SPATC1: variants seen among roughly 807,000 people sequenced by gnomAD.
SPATC1 encodes spermatogenesis and centriole associated 1, also known as speriolin.
In SPATC1, 35 loss-of-function variants were observed where a neutral mutation model predicts 36.5. The observed-to-expected ratio is 0.96, with a 90% CI of 0.73 to 1.27. SPATC1 has a LOEUF of 1.27. Among genes scored for constraint, SPATC1 ranks in the 50% most tolerant of loss-of-function variants. The pLI is 0.00. For missense variants in SPATC1, 779 were observed against 796.0 expected (o/e 0.98, Z 0.26); for synonymous variants, 361 against 353.6 (o/e 1.02, Z -0.24).
At chr8:144,015,572 T>C (rs1374060919) in intron 1 of SPATC1, among the ~76,000 whole-genome samples, 2 of 147,072 alleles carry the variant, frequency 1.4e-5, no homozygotes, top group East Asian at 4.1e-4. Context: ...TGAAACCCCA[T>C]CTCTACTACA....
upstream of SPATC1, among the ~76,000 whole-genome samples, chr8:144,011,011 G>T (rs1834277240): frequency 6.6e-6 from 1 of 151,918 alleles, no homozygotes; most frequent in African/African-American, 2.4e-5. The surrounding 1 kb of genome is among the most constrained non-coding windows in gnomAD (Gnocchi z 4.5). Flanking sequence ...TCAACATCTT[G>T]TAGCTATTAA....
intron 1 of SPATC1, among the ~76,000 whole-genome samples, chr8:144,029,949 T>C (rs1834761228): frequency 1.3e-5 from 2 of 152,364 alleles, no homozygotes; most frequent in African/African-American, 2.4e-5. Flanking sequence ...ATTCTGTCCA[T>C]TTCTGCTTTA....
intron 1 of SPATC1, among the ~76,000 whole-genome samples, chr8:144,014,522 A>G (rs1291600479): frequency 6.6e-6 from 1 of 152,156 alleles, no homozygotes; most frequent in Non-Finnish European, 1.5e-5. Flanking sequence ...TTCCTGTTTA[A>G]GAAGCTAGAC....
rs1834460071 is a variant in SPATC1, at chr8:144,019,458, T to A, written c.211+6732T>A. Among the ~76,000 whole-genome samples, 3 of 152,290 alleles carry A rather than the reference T, an allele frequency of 2.0e-5. No homozygotes were observed. In the South Asian group the frequency reaches 6.2e-4, roughly 32 times the overall value. On this transcript the variant is annotated intron_variant, in intron 1 of 4. Transcript: ENST00000377470. The stretch of plus-strand genomic sequence containing the variant: ...GAAGAGGCAGGAAATCAGAAAATGT[T>A]GGCCGTTGGCCGAGTTAACTTCACC...
At chr8:144,019,903 C>T (rs1834470525) in intron 1 of SPATC1, among the ~76,000 whole-genome samples, 11 of 151,254 alleles carry the variant, frequency 7.3e-5, no homozygotes, top group Non-Finnish European at 3.0e-5. Flanking sequence ...TCGTCCTGCT[C>T]TCCCACTGCC....
chr8:144,040,852 C>A lies in SPATC1; in HGVS notation c.1051C>A (p.Pro351Thr). 1.3e-6 allele frequency: 2 copies of A among 1,584,640 alleles called. No individual in the cohort carries two copies. The highest frequency in any genetic ancestry group is 2.3e-5 in the East Asian group (1 of 44,318). The change falls in exon 3 of 5, where the codon CCC becomes ACC. Residue 351 changes from proline to threonine, a missense_variant. By Grantham distance (38) the Pro-to-Thr change is conservative (BLOSUM62 -1). Coordinates refer to ENST00000377470, the MANE Select transcript of SPATC1 (RefSeq NM_198572.3). ...LAPQVATSYT[P>T]SSTTHIAQGA... ...CCCCCAGGTTGCCACCAGCTACACACCCTCAAGCACCACCCACATCGCCCA... is the reference window on the plus strand; with the variant it reads ...CCCCCAGGTTGCCACCAGCTACACAACCTCAAGCACCACCCACATCGCCCA...
At chr8:144,037,321 C>A (rs1834927752) in intron 1 of SPATC1, among the ~76,000 whole-genome samples, 1 of 151,508 alleles carries the variant, frequency 6.6e-6, no homozygotes, top group South Asian at 2.1e-4. Flanking sequence ...GAGGTGTACC[C>A]AACAACTCAT....
chr8:144,036,623 C>T (rs1834903817), intron 1 of SPATC1, among the ~76,000 whole-genome samples: 1 of 152,130 alleles, frequency 6.6e-6, no homozygotes, highest in East Asian at 1.9e-4. Flanking sequence ...CACACCCGGC[C>T]CAGAACTTAG....
intron 1 of SPATC1, among the ~76,000 whole-genome samples, chr8:144,035,931 C>T (rs1834889490): frequency 6.6e-6 from 1 of 152,172 alleles, no homozygotes; most frequent in Non-Finnish European, 1.5e-5. Flanking sequence ...CCAAGCAGGA[C>T]AGACAGCCGC....
rs1554756578 is a variant in SPATC1 at position 144,045,064 on chromosome 8, T to C, written c.1447-1563T>C. The stretch of plus-strand genomic sequence containing the variant: ...CAGTGCTCACTGGGGCCGCTGCCTG[T>C]AACCCCCAGTACACTCCTGCAGGAG... On this transcript the variant is annotated intron_variant, in intron 4 of 4. Coordinates refer to ENST00000377470, the MANE Select transcript of SPATC1 (RefSeq NM_198572.3). This position sits in a 1 kb window ranked among gnomAD's most constrained non-coding sequence, Gnocchi z 5.2. 1.3e-5 allele frequency among the ~76,000 whole-genome samples: 2 copies of C among 152,226 alleles called. No individual in the cohort carries two copies. Among genetic ancestry groups the C allele is most frequent in the Non-Finnish European group, 2.9e-5 (2 of 68,028 alleles).
Position 144,040,416 on chromosome 8 carries a change from C to G in SPATC1, c.719C>G (p.Thr240Ser). ...RLAEPLRGGP[T>S]GPQSPACVVP... The stretch of plus-strand genomic sequence containing the variant: ...GCTGAGCCACTCCGCGGAGGCCCCA[C>G]TGGGCCCCAGTCCCCAGCTTGCGTG... Residue 240 changes from threonine (T) to serine (S), a missense_variant, in exon 2 of 5, where the codon ACT (threonine) becomes AGT (serine). Physicochemically the swap from Thr to Ser is moderately conservative, Grantham distance 58. Transcript: ENST00000377470. The G allele has an allele frequency of 6.2e-7, 1 of 1,609,998 alleles. No homozygotes were observed.
upstream of SPATC1, among the ~76,000 whole-genome samples, chr8:144,011,386 G>T (rs566950913): frequency 6.6e-6 from 1 of 152,204 alleles, no homozygotes; most frequent in East Asian, 1.9e-4. The surrounding 1 kb of genome is among the most constrained non-coding windows in gnomAD (Gnocchi z 4.5). Context: ...CCCATTGTGA[G>T]GTCCAGGCAG....
chr8:144,042,311 A>ATTTTTTTTTTTTTTTTTTTT (rs1184651892), intron 4 of SPATC1, among the ~76,000 whole-genome samples: 1 of 23,882 alleles, frequency 4.2e-5, no homozygotes, highest in Non-Finnish European at 6.3e-5. Flanking sequence ...ATATATATAT[A>ATTTTTTTTTTTTTTTTTTTT]TTTTTTTTTT....
At chr8:144,039,443 C>A (rs532523595) in intron 1 of SPATC1, among the ~76,000 whole-genome samples, 83 of 152,350 alleles carry the variant, frequency 5.4e-4, no homozygotes, top group African/African-American at 1.9e-3. Flanking sequence ...GGAGCCCCCA[C>A]CACAAAGACA....
chr8:144,020,248 C>A (rs1166381726), intron 1 of SPATC1, among the ~76,000 whole-genome samples: 2 of 151,436 alleles, frequency 1.3e-5, no homozygotes, highest in Non-Finnish European at 2.9e-5. Context: ...GGACACTCTT[C>A]CCTGAAGACC....
At position 144,046,624 on chromosome 8, in the gene SPATC1, C is replaced by T; in HGVS notation, c.1447-3C>T. 1 of 1,604,936 alleles carries T rather than the reference C, an allele frequency of 6.2e-7. No individual in the cohort carries two copies. Among genetic ancestry groups the T allele is most frequent in the Non-Finnish European group, 8.5e-7 (1 of 1,177,108 alleles). ...GGGTCCCTGATGGCCGCTGTCCCCACAGGCTTCCCTGAACCCCAGTGACCA... is the reference window on the plus strand; with the variant it reads ...GGGTCCCTGATGGCCGCTGTCCCCATAGGCTTCCCTGAACCCCAGTGACCA... On this transcript the variant is annotated splice_polypyrimidine_tract_variant and splice_region_variant and intron_variant, in intron 4 of 4. Coordinates refer to ENST00000377470, the MANE Select transcript of SPATC1 (RefSeq NM_198572.3). The surrounding 1 kb of genome is among the most constrained non-coding windows in gnomAD (Gnocchi z 6.6).
At chr8:144,025,795 C>T (rs1445202119) in intron 1 of SPATC1, among the ~76,000 whole-genome samples, 1 of 152,166 alleles carries the variant, frequency 6.6e-6, no homozygotes, top group African/African-American at 2.4e-5. Flanking sequence ...ATATGCTCCT[C>T]ATGGTCTGTG....
At chr8:144,033,097 G>A (rs1587510328) in intron 1 of SPATC1, among the ~76,000 whole-genome samples, 2 of 151,456 alleles carry the variant, frequency 1.3e-5, no homozygotes, top group East Asian at 3.9e-4. Context: ...AAATTACATG[G>A]CATGAAACAA....
At chr8:144,043,299 A>ATT (rs797036957) in intron 4 of SPATC1, among the ~76,000 whole-genome samples, 1 of 127,892 alleles carries the variant, frequency 7.8e-6, no homozygotes, top group South Asian at 2.4e-4. Flanking sequence ...CCAGCCTTAC[A>ATT]TTTTTTTTTT....
Sources: allele counts gnomAD v4.1 joint callset (sites outside exome capture counted in the v4.1 genomes callset), GRCh38; gene constraint gnomAD v4.1.1; non-coding constraint Gnocchi (gnomAD v3.1); transcripts MANE v1.5; gene names NCBI Gene and HGNC (gene_info 2026-07-23, HGNC 2026-07-21).